The following PTPRG variants were observed in gnomAD, a reference collection of about 807,000 sequenced individuals.
The protein encoded by PTPRG is protein tyrosine phosphatase receptor type G.
In PTPRG, 102 loss-of-function variants were observed where a neutral mutation model predicts 165.3. The observed-to-expected ratio is 0.62, with a 90% CI of 0.53 to 0.73. The LOEUF is 0.73. Ranked by LOEUF, PTPRG falls within the 30% of genes least tolerant of loss-of-function variation. The pLI is 0.00. For synonymous variants in PTPRG, 675 were observed against 669.5 expected (o/e 1.01, Z -0.13); for missense variants, 1,866 against 1,861.4 (o/e 1.00, Z -0.05).
chr3:62,104,293 A>G (rs538121565), intron 5 of PTPRG, among the ~76,000 whole-genome samples: 4 of 152,210 alleles, frequency 2.6e-5, no homozygotes, highest in Non-Finnish European at 4.4e-5. Context: ...CTGGCCTTCC[A>G]TCTCATACTC....
At chr3:62,204,097 T>C in intron 12 of PTPRG, 147 bp downstream of exon 12, 3 of 1,347,576 alleles carry the variant, frequency 2.2e-6, no homozygotes, top group South Asian at 4.0e-5. Flanking sequence ...GGTGCACACA[T>C]GTGAAATGTG....
chr3:62,134,652 A>G (rs999483233), intron 6 of PTPRG, among the ~76,000 whole-genome samples: 2 of 152,176 alleles, frequency 1.3e-5, no homozygotes, highest in Non-Finnish European at 2.9e-5. Context: ...TCTTTCTTCA[A>G]AGCACTTAAA....
chr3:61,575,692 G>A (rs1026788387), intron 1 of PTPRG, among the ~76,000 whole-genome samples: 1 of 145,800 alleles, frequency 6.9e-6, no homozygotes, highest in African/African-American at 2.6e-5. Flanking sequence ...TCTGCCTCCC[G>A]GGTTCAAGCA....
At chr3:61,697,286 C>T (rs893284340) in intron 1 of PTPRG, among the ~76,000 whole-genome samples, 9 of 152,206 alleles carry the variant, frequency 5.9e-5, no homozygotes, top group Admixed American at 1.3e-4. Flanking sequence ...TCTCATACTT[C>T]GGCATGCTGA....
chr3:61,665,503 CAG>C lies in PTPRG; in HGVS notation c.86-83374_86-83373del, dbSNP rs1702787281. On this transcript the variant is annotated intron_variant, in intron 1 of 29. Coordinates refer to ENST00000474889, the MANE Select transcript of PTPRG (RefSeq NM_002841.4). The stretch of plus-strand genomic sequence containing the variant: ...ACACACACACACACACACACACACA[CAG>C]GCACAAATATATTGAAGACTTTGTT... 4.6e-5 allele frequency among the ~76,000 whole-genome samples: 7 copies of C among 151,416 alleles called. No individual in the cohort carries two copies. In the South Asian group the frequency reaches 1.5e-3, roughly 32 times the overall value.
At chr3:62,118,117 A>G (rs1702930923) in intron 5 of PTPRG, among the ~76,000 whole-genome samples, 1 of 152,224 alleles carries the variant, frequency 6.6e-6, no homozygotes, top group African/African-American at 2.4e-5. Flanking sequence ...AGACTGAAGA[A>G]TCTGAGGCTT....
At chr3:62,251,076 G>A (rs1275161235) in intron 15 of PTPRG, among the ~76,000 whole-genome samples, 2 of 152,134 alleles carry the variant, frequency 1.3e-5, no homozygotes, top group African/African-American at 2.4e-5. Flanking sequence ...TAAACCTTTG[G>A]TATCTGAAAA....
chr3:61,672,683 C>T (rs1223445154), intron 1 of PTPRG, among the ~76,000 whole-genome samples: 7 of 141,502 alleles, frequency 4.9e-5, no homozygotes, highest in South Asian at 2.2e-4. Context: ...CGTCCAGCTT[C>T]GGCTCGGCAT....
At chr3:61,819,745 T>C (rs185192800) in intron 2 of PTPRG, among the ~76,000 whole-genome samples, 1 of 152,260 alleles carries the variant, frequency 6.6e-6, no homozygotes, top group Non-Finnish European at 1.5e-5. Context: ...TGGGAATCTT[T>C]ATACAACAGA....
chr3:61,659,566 A>C, intron 1 of PTPRG: 1 of 590,970 alleles, frequency 1.7e-6, no homozygotes, highest in Non-Finnish European at 2.1e-6. Flanking sequence ...CTTTCTTGGT[A>C]ACCTTTGAGT....
chr3:61,732,884 G>A (rs1159559546), intron 1 of PTPRG, among the ~76,000 whole-genome samples: 4 of 152,206 alleles, frequency 2.6e-5, no homozygotes, highest in African/African-American at 9.6e-5. Flanking sequence ...CTGTTTAAAA[G>A]AAAGTGAATT....
intron 2 of PTPRG, among the ~76,000 whole-genome samples, chr3:61,888,197 CTTTGTGTGTGTGTG>C (rs1055836959): frequency 1.6e-4 from 24 of 145,530 alleles, no homozygotes; most frequent in African/African-American, 5.1e-5. Flanking sequence ...ATTTTTAAAT[CTTTGTGTGTGTGTG>C]TGTGTGTGTG....
intron 1 of PTPRG, among the ~76,000 whole-genome samples, chr3:61,717,302 G>T (rs1437161212): frequency 1.3e-5 from 2 of 152,086 alleles, no homozygotes; most frequent in Non-Finnish European, 2.9e-5. Context: ...CTAACCCTTT[G>T]AGGTACATAT....
intron 2 of PTPRG, among the ~76,000 whole-genome samples, chr3:61,772,395 C>T (rs2034236497): frequency 6.6e-6 from 1 of 151,784 alleles, no homozygotes; most frequent in Non-Finnish European, 1.5e-5. Context: ...TACTCCTTTT[C>T]CGTAATGTCT....
chr3:61,972,319 T>A (rs1356803236), intron 2 of PTPRG, among the ~76,000 whole-genome samples: 1 of 152,146 alleles, frequency 6.6e-6, no homozygotes, highest in Admixed American at 6.5e-5. Flanking sequence ...GGAGGTAAAT[T>A]TGGGCAGAGG....
In PTPRG at chr3:61,605,775, C is replaced by T. The variant is rs760182311; in HGVS notation, c.85+43403C>T. Among the ~76,000 whole-genome samples the T allele has an allele frequency of 3.8e-4, 58 of 151,976 alleles. 2 individuals are homozygous for T. The highest frequency in any genetic ancestry group is 2.8e-4 in the Non-Finnish European group (19 of 67,990). On this transcript the variant is annotated intron_variant, in intron 1 of 29. Transcript: ENST00000474889. ...TGTTTGTAGAGATGGTGTCTTGCTA[C>T]GTTGCCCAGGCTGGTCTTGAACTCC...
intron 25 of PTPRG, 110 bp from the exon 26 acceptor site, chr3:62,277,441 T>C (rs9823242): frequency 0.18 from 217,583 of 1,240,090 alleles, 20,836 homozygotes; most frequent in South Asian, 0.26. Flanking sequence ...TTCTCAATTA[T>C]TTTAGTGTAG....
At chr3:62,016,728 A>G (rs936417787) in intron 4 of PTPRG, among the ~76,000 whole-genome samples, 2 of 152,122 alleles carry the variant, frequency 1.3e-5, no homozygotes, top group African/African-American at 2.4e-5. Context: ...GTGGTTTCCA[A>G]TCACATGTTG....
At chr3:61,805,508 C>T (rs1575677997) in intron 2 of PTPRG, among the ~76,000 whole-genome samples, 2 of 143,638 alleles carry the variant, frequency 1.4e-5, no homozygotes, top group East Asian at 2.0e-4. Context: ...CCCAGGCCTA[C>T]TCTTCCCGAA....
Sources: allele counts gnomAD v4.1 joint callset (sites outside exome capture counted in the v4.1 genomes callset), GRCh38; gene constraint gnomAD v4.1.1; transcripts MANE v1.5; gene names NCBI Gene and HGNC (gene_info 2026-07-23, HGNC 2026-07-21).